FBXO34: variants seen among roughly 807,000 people sequenced by gnomAD.
FBXO34 encodes F-box protein 34, also known as F-box only protein 34.
Under a neutral mutation model 24.5 loss-of-function variants are expected in FBXO34, and 12 were observed. That is an observed-to-expected ratio of 0.49 (90% CI 0.31 to 0.79). FBXO34 has a LOEUF of 0.79. Among genes scored for constraint, FBXO34 ranks in the 30% least tolerant of loss-of-function variants. The pLI, the probability that FBXO34 is intolerant of heterozygous loss-of-function variation, is 0.04. For synonymous variants in FBXO34, 320 were observed against 311.9 expected (o/e 1.03, Z -0.27); for missense variants, 823 against 857.7 (o/e 0.96, Z 0.51).
chr14:55,424,350 G>T, the FBXO34 span: 1 of 716,766 alleles, frequency 1.4e-6, no homozygotes, highest in Non-Finnish European at 2.3e-6. Context: ...TATTAAAGCA[G>T]TTGTAAATAA....
At position 55,351,213 on chromosome 14, in the gene FBXO34, G is replaced by A. The variant is rs369227884; in HGVS notation, c.823G>A (p.Glu275Lys). 42 of 1,614,082 alleles carry A rather than the reference G, an allele frequency of 2.6e-5. No homozygotes were observed. The highest frequency in any genetic ancestry group is 4.5e-5 in the East Asian group (2 of 44,904). The change falls in exon 2 of 2, where the codon GAA (glutamate) becomes AAA (lysine). Residue 275 changes from glutamate (E) to lysine (K), a missense_variant. Physicochemically the swap from Glu to Lys is moderately conservative, Grantham distance 56. Around this residue, in one of 2 missense-constraint regions of FBXO34, gnomAD observed 693 missense variants for 659.1 expected, o/e 1.05. Transcript: ENST00000313833. ...TCTTGAGGTTGGTGAACCACAGAGC[G>A]AACCAGTCCGTGTCCTTGACATGGT... is the stretch of plus-strand genomic sequence containing the variant. ...GNLEVGEPQS[E>K]PVRVLDMVAK...
At chr14:55,427,260 A>AT in the FBXO34 span, among the ~76,000 whole-genome samples, 42,330 of 151,966 alleles carry the variant, frequency 0.28, 7,611 homozygotes, top group African/African-American at 0.52. Context: ...AATGGGGTAT[A>AT]TTTAGGCATT....
the FBXO34 span, chr14:55,413,521 A>T: frequency 3.3e-6 from 1 of 302,448 alleles, no homozygotes; most frequent in Non-Finnish European, 6.6e-6. Context: ...ATGAAGAGAA[A>T]CATTTGTACA....
At chr14:55,367,960 AAG>A (rs2140111752) in exon 3 of FBXO34, 1 of 152,708 alleles carries the variant, frequency 6.5e-6, no homozygotes, top group East Asian at 1.9e-4. Flanking sequence ...ATGATGAGAA[AAG>A]AAGCTGGGGC....
At chr14:55,341,517 C>T (rs1264442238) in intron 1 of FBXO34, among the ~76,000 whole-genome samples, 1 of 152,116 alleles carries the variant, frequency 6.6e-6, no homozygotes, top group Non-Finnish European at 1.5e-5. Flanking sequence ...GTTTTATTTT[C>T]CTTCAGTTTC....
At chr14:55,308,690 A>G (rs915015878) in intron 1 of FBXO34, among the ~76,000 whole-genome samples, 1 of 152,226 alleles carries the variant, frequency 6.6e-6, no homozygotes, top group Non-Finnish European at 1.5e-5. Flanking sequence ...TTTGGAATCA[A>G]GATACTCTAG....
At chr14:55,398,755 A>G in the FBXO34 span, among the ~76,000 whole-genome samples, 1 of 152,096 alleles carries the variant, frequency 6.6e-6, no homozygotes, top group Non-Finnish European at 1.5e-5. Context: ...GTGTTCTATA[A>G]ATGTCTTCTA....
the FBXO34 span, chr14:55,411,503 A>C: frequency 8.5e-7 from 1 of 1,172,550 alleles, no homozygotes; most frequent in Non-Finnish European, 1.2e-6. Context: ...TCTCGCTGGT[A>C]TCTGGTGCCC....
intron 1 of FBXO34, among the ~76,000 whole-genome samples, chr14:55,293,601 T>G (rs1270356377): frequency 7.9e-6 from 1 of 125,984 alleles, no homozygotes; most frequent in African/African-American, 4.0e-5. Context: ...AAATCTCTGC[T>G]TTTTTTTTTT....
the FBXO34 span, among the ~76,000 whole-genome samples, chr14:55,409,765 G>GTTAA: frequency 1.3e-5 from 2 of 152,186 alleles, no homozygotes; most frequent in Non-Finnish European, 2.9e-5. Flanking sequence ...TAGAACTTTG[G>GTTAA]TTAAGGACTC....
chr14:55,401,752 C>T, the FBXO34 span, among the ~76,000 whole-genome samples: 656 of 152,196 alleles, frequency 4.3e-3, 18 homozygotes, highest in East Asian at 0.066. Flanking sequence ...CGCACACAGC[C>T]CCAGTGGCAC....
chr14:55,404,326 C>T, the FBXO34 span, among the ~76,000 whole-genome samples: 1 of 152,144 alleles, frequency 6.6e-6, no homozygotes, highest in African/African-American at 2.4e-5. Flanking sequence ...AACCCTGATC[C>T]CTAAAGCACT....
At chr14:55,356,262 C>T (rs1345007092), downstream of FBXO34, among the ~76,000 whole-genome samples, 1 of 152,184 alleles carries the variant, frequency 6.6e-6, no homozygotes, top group East Asian at 1.9e-4. Flanking sequence ...GCTGTTTGTC[C>T]TCCTTTATCT....
At chr14:55,422,183 G>A in the FBXO34 span, among the ~76,000 whole-genome samples, 2 of 152,196 alleles carry the variant, frequency 1.3e-5, no homozygotes, top group Admixed American at 6.5e-5. Flanking sequence ...GATATGTAGC[G>A]TTAAGTTGGT....
At chr14:55,396,746 G>C in the FBXO34 span, among the ~76,000 whole-genome samples, 1 of 152,140 alleles carries the variant, frequency 6.6e-6, no homozygotes, top group Admixed American at 6.5e-5. Context: ...TGCATCTAGG[G>C]AGCAGGTTTT....
chr14:55,294,744 A>G (rs1882063097), intron 1 of FBXO34, among the ~76,000 whole-genome samples: 1 of 152,208 alleles, frequency 6.6e-6, no homozygotes, highest in South Asian at 2.1e-4. Context: ...TAAGTTTAAG[A>G]ACTGTATATT....
At chr14:55,298,115 A>ATG (rs2078611801) in intron 1 of FBXO34, among the ~76,000 whole-genome samples, 2 of 152,276 alleles carry the variant, frequency 1.3e-5, no homozygotes, top group African/African-American at 4.8e-5. Flanking sequence ...GGTGAGTTAA[A>ATG]TGTGTAGCAC....
chr14:55,283,942 CTA>C (rs1491450820), intron 1 of FBXO34, among the ~76,000 whole-genome samples: 1,503 of 130,752 alleles, frequency 0.011, 8 homozygotes, highest in Middle Eastern at 0.062. Flanking sequence ...CATTCTAAGA[CTA>C]TGTGTGTGTG....
At chr14:55,373,472 T>A (rs1169207209), downstream of FBXO34, among the ~76,000 whole-genome samples, 3 of 152,212 alleles carry the variant, frequency 2.0e-5, no homozygotes, top group East Asian at 1.9e-4. Flanking sequence ...CTTATTTTTT[T>A]ATTTTGAGAT....
Sources: allele counts gnomAD v4.1 joint callset (sites outside exome capture counted in the v4.1 genomes callset), GRCh38; gene constraint gnomAD v4.1.1; regional missense constraint gnomAD v4.1.1; transcripts MANE v1.5; gene names NCBI Gene and HGNC (gene_info 2026-07-23, HGNC 2026-07-21).